Variants in ACSL3 observed in about 807,000 individuals in gnomAD.
ACSL3 encodes the protein acyl-CoA synthetase long chain family member 3.
A neutral mutation model predicts 84.7 loss-of-function variants in ACSL3; 34 were observed. The ratio of observed to expected loss-of-function variants is 0.40; its 90% CI spans 0.31 to 0.53. ACSL3 has a LOEUF of 0.53. Among genes scored for constraint, ACSL3 ranks in the 20% least tolerant of loss-of-function variants. ACSL3 has a pLI of 0.48. For missense variants in ACSL3, 680 were observed against 873.1 expected (o/e 0.78, Z 2.79); for synonymous variants, 315 against 299.4 (o/e 1.05, Z -0.54).
At chr2:222,897,145 G>A (rs1347007884) in intron 2 of ACSL3, among the ~76,000 whole-genome samples, 1 of 19,578 alleles carries the variant, frequency 5.1e-5, no homozygotes, top group Non-Finnish European at 8.5e-5. Context: ...GCTGCCGGGC[G>A]GAGACGCTCC....
chr2:222,900,424 A>T (rs573261366), intron 2 of ACSL3, among the ~76,000 whole-genome samples: 1 of 152,026 alleles, frequency 6.6e-6, no homozygotes, highest in Middle Eastern at 3.2e-3. Context: ...CCTTCTCTTT[A>T]TGGCTCCAAA....
chr2:222,893,992 G>A (rs973988694), intron 2 of ACSL3, among the ~76,000 whole-genome samples: 6 of 152,148 alleles, frequency 3.9e-5, no homozygotes, highest in Non-Finnish European at 5.9e-5. Flanking sequence ...CACCGCTCCC[G>A]GCAAGAAGCT....
intron 8 of ACSL3, 108 bp downstream of exon 8, chr2:222,921,538 G>C: frequency 1.9e-6 from 2 of 1,081,008 alleles, no homozygotes; most frequent in Admixed American, 4.8e-5. Flanking sequence ...CTCAGAGTCT[G>C]TTTGTAGTAG....
rs1366153242 is a variant in ACSL3, at chr2:222,943,971, C to T, written c.*2317C>T. The T allele has an allele frequency of 1.3e-5, 2 of 152,050 alleles. No individual in the cohort carries two copies. The highest frequency in any genetic ancestry group is 2.4e-5 in the African/African-American group (1 of 41,430). 9.4% of individuals were successfully genotyped at this position (152,050 alleles called of 1,614,324 possible). A position where few individuals can be genotyped will look rare whatever the true frequency, so the allele number is the denominator to read the frequency against. ...AGAACTATTGTTTACTGGGAATAAA[C>T]TAAGCTCTATGAAGAATTCGTAAGC... On this transcript the variant is annotated 3_prime_UTR_variant, in exon 17 of 17. Transcript: ENST00000357430.
At chr2:222,935,249 TG>T (rs1697141363) in intron 16 of ACSL3, among the ~76,000 whole-genome samples, 1 of 152,148 alleles carries the variant, frequency 6.6e-6, no homozygotes, top group Admixed American at 6.5e-5. Flanking sequence ...CAGAATGCAG[TG>T]GCAGTCATAG....
intron 13 of ACSL3, among the ~76,000 whole-genome samples, chr2:222,929,466 C>T (rs1696965489): frequency 6.6e-6 from 1 of 151,998 alleles, no homozygotes; most frequent in Non-Finnish European, 1.5e-5. Flanking sequence ...TTGGGATGCA[C>T]CTTTCCTCTA....
chr2:222,898,788 C>T (rs1308282276), intron 2 of ACSL3, among the ~76,000 whole-genome samples: 3 of 152,136 alleles, frequency 2.0e-5, no homozygotes, highest in Non-Finnish European at 4.4e-5. Context: ...GATTGCGCCA[C>T]TGCACTCCAG....
intron 1 of ACSL3, among the ~76,000 whole-genome samples, chr2:222,885,652 C>T (rs1695701231): frequency 6.6e-6 from 1 of 152,096 alleles, no homozygotes; most frequent in Admixed American, 6.5e-5. Flanking sequence ...AAGTTATTTC[C>T]CCCCTGGATG....
intron 1 of ACSL3, among the ~76,000 whole-genome samples, chr2:222,873,730 G>A (rs1391131328): frequency 2.6e-5 from 4 of 152,112 alleles, no homozygotes; most frequent in Non-Finnish European, 5.9e-5. Flanking sequence ...AATATTTTTA[G>A]TGGTTGTATA....
At chr2:222,910,548 C>T (rs1247649091) in intron 4 of ACSL3, among the ~76,000 whole-genome samples, 1 of 152,160 alleles carries the variant, frequency 6.6e-6, no homozygotes, top group Non-Finnish European at 1.5e-5. Flanking sequence ...GCTTAACCTC[C>T]TCTATATATG....
intron 14 of ACSL3, among the ~76,000 whole-genome samples, chr2:222,932,134 T>C (rs1194126754): frequency 6.6e-6 from 1 of 152,188 alleles, no homozygotes; most frequent in Non-Finnish European, 1.5e-5. Context: ...CACTTAGCGC[T>C]ACCATTGTAG....
At chr2:222,912,292 T>C (rs1181780516) in intron 4 of ACSL3, among the ~76,000 whole-genome samples, 1 of 152,232 alleles carries the variant, frequency 6.6e-6, no homozygotes, top group African/African-American at 2.4e-5. Flanking sequence ...CAGCTGCATG[T>C]TAAACATGCT....
At chr2:222,921,938 C>A (rs1696751320) in intron 8 of ACSL3, among the ~76,000 whole-genome samples, 2 of 152,140 alleles carry the variant, frequency 1.3e-5, no homozygotes, top group South Asian at 4.2e-4. Flanking sequence ...ATTCTGATGA[C>A]CGATAGGGTA....
chr2:222,900,562 G>A (rs1168975635), intron 2 of ACSL3, 112 bp from the exon 3 acceptor site: 1 of 151,958 alleles, frequency 6.6e-6, no homozygotes, highest in Non-Finnish European at 1.5e-5. Flanking sequence ...TGCAACCACT[G>A]ACCACCTATT....
intron 1 of ACSL3, among the ~76,000 whole-genome samples, chr2:222,875,560 A>T (rs973980774): frequency 6.6e-6 from 1 of 152,180 alleles, no homozygotes; most frequent in African/African-American, 2.4e-5. Context: ...TGTAAATTTG[A>T]CCTTATTGGT....
At chr2:222,909,607 T>C (rs1365072882) in intron 4 of ACSL3, 3 of 155,288 alleles carry the variant, frequency 1.9e-5, no homozygotes, top group African/African-American at 7.2e-5. Flanking sequence ...AAACCTGCCA[T>C]TGTTGATTTG....
rs768753230 is a variant in ACSL3 at position 222,912,179 on chromosome 2, C to T, written c.378+3029C>T. ...ACAAGTAGTTTCTCTTGGCCATACT[C>T]AAGAAGAAAGTGTGCAGTGTCGCTG... On this transcript the variant is annotated intron_variant, in intron 4 of 16. Coordinates refer to ENST00000357430, the MANE Select transcript of ACSL3 (RefSeq NM_004457.5). 4.6e-5 allele frequency among the ~76,000 whole-genome samples: 7 copies of T among 152,322 alleles called. No individual in the cohort carries two copies. The South Asian group carries it at 1.5e-3, about 32-fold the overall frequency.
At chr2:222,865,312 A>T (rs189327767) in intron 1 of ACSL3, among the ~76,000 whole-genome samples, 2 of 152,180 alleles carry the variant, frequency 1.3e-5, no homozygotes, top group Non-Finnish European at 2.9e-5. Context: ...AGTAGTTTCA[A>T]CTGATCTGCT....
chr2:222,940,365 C>T (rs920538436), intron 16 of ACSL3, among the ~76,000 whole-genome samples: 8 of 152,122 alleles, frequency 5.3e-5, no homozygotes, highest in Non-Finnish European at 1.2e-4. Flanking sequence ...TTCCCCATTT[C>T]CTTTCTCCTG....
Sources: gnomAD v4.1 joint callset for allele counts (sites outside exome capture counted in the v4.1 genomes callset) on GRCh38, gnomAD v4.1.1 for gene constraint, MANE v1.5 for transcripts, NCBI Gene and HGNC (gene_info 2026-07-23, HGNC 2026-07-21) for gene names.